CHRM3: variants seen among roughly 807,000 people sequenced by gnomAD.
The protein encoded by CHRM3 is cholinergic receptor muscarinic 3.
CHRM3 carries 11 observed loss-of-function variants against 41.8 expected under a neutral mutation model. The observed-to-expected ratio is 0.26, with a 90% CI of 0.17 to 0.44. The LOEUF (loss-of-function observed/expected upper bound fraction) is 0.44, where lower values mean the gene tolerates loss of function less well. Ranked by LOEUF, CHRM3 falls within the 20% of genes least tolerant of loss-of-function variation. The pLI is 1.00. For synonymous variants in CHRM3, 297 were observed against 301.4 expected (o/e 0.99, Z 0.15); for missense variants, 571 against 745.4 (o/e 0.77, Z 2.72).
At chr1:239,782,889 G>C (rs575968557) in intron 5 of CHRM3, among the ~76,000 whole-genome samples, 1 of 152,206 alleles carries the variant, frequency 6.6e-6, no homozygotes, top group South Asian at 2.1e-4. Context: ...TTAGAAGGGA[G>C]TTGTTTACTT....
intron 3 of CHRM3, among the ~76,000 whole-genome samples, chr1:239,557,679 C>T (rs1572704577): frequency 6.6e-6 from 1 of 152,112 alleles, no homozygotes; most frequent in Non-Finnish European, 1.5e-5. Flanking sequence ...TTGTTCCCCT[C>T]CCTGTGTCCA....
At chr1:239,737,987 G>A (rs1398595479) in intron 5 of CHRM3, among the ~76,000 whole-genome samples, 1 of 151,986 alleles carries the variant, frequency 6.6e-6, no homozygotes, top group African/African-American at 2.4e-5. Flanking sequence ...CTGGGAATGA[G>A]AATGACAAAA....
intron 4 of CHRM3, among the ~76,000 whole-genome samples, chr1:239,645,886 T>C (rs1007247920): frequency 3.3e-5 from 5 of 152,066 alleles, no homozygotes; most frequent in Admixed American, 2.6e-4. Flanking sequence ...GTTTTTAACA[T>C]AGTTCCATAA....
At chr1:239,461,779 T>G (rs1401606587) in intron 1 of CHRM3, among the ~76,000 whole-genome samples, 1 of 152,052 alleles carries the variant, frequency 6.6e-6, no homozygotes, top group Admixed American at 6.6e-5. Context: ...CCGAGGAACG[T>G]GGACATCAGG....
intron 4 of CHRM3, among the ~76,000 whole-genome samples, chr1:239,671,701 G>A (rs983663546): frequency 2.0e-5 from 3 of 152,016 alleles, no homozygotes; most frequent in African/African-American, 4.8e-5. Flanking sequence ...GTGAGGTGGG[G>A]TGTAGGTTAC....
At chr1:239,550,408 C>T (rs1659704742) in intron 3 of CHRM3, among the ~76,000 whole-genome samples, 1 of 152,080 alleles carries the variant, frequency 6.6e-6, no homozygotes, top group African/African-American at 2.4e-5. Flanking sequence ...GAGGGCAGTT[C>T]CTGTCTTGTT....
At chr1:239,504,933 G>A (rs1364834273) in intron 2 of CHRM3, among the ~76,000 whole-genome samples, 1 of 152,046 alleles carries the variant, frequency 6.6e-6, no homozygotes, top group African/African-American at 2.4e-5. Context: ...AAGGGGGCAA[G>A]GGATAAAAGA....
intron 3 of CHRM3, among the ~76,000 whole-genome samples, chr1:239,621,235 T>C (rs1387880701): frequency 3.3e-5 from 5 of 152,178 alleles, no homozygotes; most frequent in African/African-American, 1.2e-4. Flanking sequence ...AATGAATGTG[T>C]TCTGACTGCT....
intron 1 of CHRM3, among the ~76,000 whole-genome samples, chr1:239,479,626 G>A (rs1016354044): frequency 1.3e-5 from 2 of 152,160 alleles, no homozygotes; most frequent in African/African-American, 4.8e-5. Context: ...ATAAACCTAG[G>A]CTATGTGTTA....
At chr1:239,804,719 G>C (rs12061345) in intron 5 of CHRM3, among the ~76,000 whole-genome samples, 62,243 of 151,974 alleles carry the variant, frequency 0.41, 13,500 homozygotes, top group African/African-American at 0.55. Context: ...TAAATGCAGC[G>C]CCTTCTTCCT....
chr1:239,626,966 A>C (rs1669027769), intron 3 of CHRM3, among the ~76,000 whole-genome samples: 1 of 93,420 alleles, frequency 1.1e-5, no homozygotes, highest in South Asian at 6.0e-4. Context: ...TGCTGAAAAA[A>C]ATGTATATTC....
intron 4 of CHRM3, among the ~76,000 whole-genome samples, chr1:239,646,720 G>T (rs1276427463): frequency 1.3e-5 from 2 of 152,032 alleles, no homozygotes; most frequent in African/African-American, 4.8e-5. Context: ...TGTGGGTTAT[G>T]AGGATGAGGA....
At chr1:239,709,320 G>C (rs944019780) in intron 5 of CHRM3, among the ~76,000 whole-genome samples, 5 of 152,166 alleles carry the variant, frequency 3.3e-5, no homozygotes, top group Non-Finnish European at 7.3e-5. Flanking sequence ...CAGAGGTCTT[G>C]GTTCTAATGC....
chr1:239,739,186 A>G (rs1664638275), intron 5 of CHRM3, among the ~76,000 whole-genome samples: 1 of 152,212 alleles, frequency 6.6e-6, no homozygotes, highest in East Asian at 1.9e-4. Flanking sequence ...CAGCAGCACC[A>G]GCATGCATTG....
At chr1:239,728,211 T>A (rs6657343) in intron 5 of CHRM3, among the ~76,000 whole-genome samples, 84,586 of 151,798 alleles carry the variant, frequency 0.56, 24,183 homozygotes, top group African/African-American at 0.67. Context: ...TAACAAACAC[T>A]TACTTCACAA....
intron 5 of CHRM3, among the ~76,000 whole-genome samples, chr1:239,679,890 C>T (rs1658390403): frequency 6.6e-6 from 1 of 152,110 alleles, no homozygotes; most frequent in African/African-American, 2.4e-5. Context: ...TCCAGTCCTT[C>T]ACAGTCCGCT....
intron 3 of CHRM3, among the ~76,000 whole-genome samples, chr1:239,562,954 G>A (rs1661020332): frequency 6.7e-6 from 1 of 148,210 alleles, no homozygotes; most frequent in Admixed American, 6.7e-5. Flanking sequence ...ACCATGTAAA[G>A]AAAAATGTTA....
At chr1:239,642,269 T>G (rs1052158864) in intron 4 of CHRM3, among the ~76,000 whole-genome samples, 1 of 151,372 alleles carries the variant, frequency 6.6e-6, no homozygotes, top group Non-Finnish European at 1.5e-5. Context: ...TCGAGGAGTA[T>G]CTTTGTGGCA....
At chr1:239,396,749 T>C (rs1326682099) in intron 1 of CHRM3, among the ~76,000 whole-genome samples, 1 of 152,218 alleles carries the variant, frequency 6.6e-6, no homozygotes, top group Non-Finnish European at 1.5e-5. Context: ...AAGACAACTA[T>C]GGTTAACAGT....
Sources: allele counts gnomAD v4.1 joint callset (sites outside exome capture counted in the v4.1 genomes callset), GRCh38; gene constraint gnomAD v4.1.1; transcripts MANE v1.5; gene names NCBI Gene and HGNC (gene_info 2026-07-23, HGNC 2026-07-21).